The following CAMTA1 variants were observed in gnomAD, a reference collection of about 807,000 sequenced individuals.
CAMTA1 encodes the protein calmodulin binding transcription activator 1.
CAMTA1 carries 27 observed loss-of-function variants against 170.9 expected under a neutral mutation model. That is an observed-to-expected ratio of 0.16 (90% CI 0.12 to 0.22). CAMTA1 has a LOEUF of 0.22. Ranked by LOEUF, CAMTA1 falls within the 10% of genes least tolerant of loss-of-function variation. The pLI is 1.00. For missense variants in CAMTA1, 1,619 were observed against 2,217.2 expected (o/e 0.73, Z 5.42); for synonymous variants, 833 against 891.5 (o/e 0.93, Z 1.17).
rs77591968 is a variant in CAMTA1, at chr1:7,383,386, C to T, written c.439-84444C>T. ...CACTCATCTAACGTGTGTAGTATAG[C>T]AATCTGGAATACAGACTCCGGTGCC... On this transcript the variant is annotated intron_variant, in intron 5 of 22. Coordinates refer to ENST00000303635, the MANE Select transcript of CAMTA1 (RefSeq NM_015215.4). Among the ~76,000 whole-genome samples the T allele has an allele frequency of 5.3e-3, 813 of 152,210 alleles. 3 individuals are homozygous for T. The highest frequency in any genetic ancestry group is 0.018 in the African/African-American group (759 of 41,496).
chr1:7,345,687 A>G (rs1350916178), intron 5 of CAMTA1, among the ~76,000 whole-genome samples: 1 of 152,296 alleles, frequency 6.6e-6, no homozygotes, highest in South Asian at 2.1e-4. Context: ...CCCCCATGCC[A>G]GGTGGCTGGG....
intron 6 of CAMTA1, among the ~76,000 whole-genome samples, chr1:7,471,766 G>A (rs571677169): frequency 9.2e-5 from 14 of 152,314 alleles, no homozygotes; most frequent in African/African-American, 2.2e-4. Flanking sequence ...TGGACAGAGC[G>A]GTCCCTCCTG....
chr1:7,314,737 C>T (rs1677229376), intron 5 of CAMTA1, among the ~76,000 whole-genome samples: 1 of 152,158 alleles, frequency 6.6e-6, no homozygotes, highest in Non-Finnish European at 1.5e-5. Context: ...ATTGACAAAT[C>T]TTTCACATTT....
chr1:6,879,734 G>A (rs2149054889), intron 3 of CAMTA1, among the ~76,000 whole-genome samples: 1 of 151,516 alleles, frequency 6.6e-6, no homozygotes, highest in East Asian at 1.9e-4. Context: ...GCCCAAGCAG[G>A]CCTCCTGCCT....
chr1:7,385,808 A>G (rs546624399), intron 5 of CAMTA1, among the ~76,000 whole-genome samples: 1 of 152,086 alleles, frequency 6.6e-6, no homozygotes, highest in Non-Finnish European at 1.5e-5. Flanking sequence ...TCTCTTCCAC[A>G]TTTGGCCTCC....
At chr1:7,091,468 G>A in intron 4 of CAMTA1, 97 bp downstream of exon 4, 1 of 901,404 alleles carries the variant, frequency 1.1e-6, no homozygotes, top group Non-Finnish European at 1.9e-6. Flanking sequence ...TGGGCAACGA[G>A]TTGAAAATGC....
At chr1:7,127,247 CTTTTT>C (rs61211407) in intron 4 of CAMTA1, among the ~76,000 whole-genome samples, 4 of 73,496 alleles carry the variant, frequency 5.4e-5, no homozygotes, top group Admixed American at 2.0e-4. Context: ...GCCAGAGGGG[CTTTTT>C]TTTTTTTTTT....
chr1:7,480,093 G>C (rs77897066), intron 6 of CAMTA1, among the ~76,000 whole-genome samples: 3,347 of 144,212 alleles, frequency 0.023, 112 homozygotes, highest in African/African-American at 0.085. Context: ...CCGTGTGTGT[G>C]CCTGTGTGTG....
At chr1:7,466,657 GGCAGA>G (rs2093218095) in intron 5 of CAMTA1, among the ~76,000 whole-genome samples, 1 of 152,178 alleles carries the variant, frequency 6.6e-6, no homozygotes, top group South Asian at 2.1e-4. Flanking sequence ...TTTCCCACCT[GGCAGA>G]TGTCCTGTGT....
intron 5 of CAMTA1, among the ~76,000 whole-genome samples, chr1:7,431,975 G>T (rs921482082): frequency 3.3e-5 from 5 of 152,198 alleles, no homozygotes; most frequent in African/African-American, 1.2e-4. Context: ...CTGTAATGCT[G>T]GTGCCAGGGG....
At chr1:7,716,311 A>C (rs2149723128) in intron 11 of CAMTA1, among the ~76,000 whole-genome samples, 1 of 152,304 alleles carries the variant, frequency 6.6e-6, no homozygotes, top group Non-Finnish European at 1.5e-5. Context: ...GATTACAGGC[A>C]TGAGACACTG....
intron 11 of CAMTA1, chr1:7,694,866 C>G (rs561601754): frequency 3.3e-5 from 5 of 152,296 alleles, no homozygotes; most frequent in African/African-American, 1.2e-4. Flanking sequence ...TGGGTGCAGA[C>G]AGGGATCTCT....
At chr1:7,258,368 G>A (rs917234255) in intron 5 of CAMTA1, among the ~76,000 whole-genome samples, 2 of 152,174 alleles carry the variant, frequency 1.3e-5, no homozygotes, top group African/African-American at 4.8e-5. Flanking sequence ...TGCTGAACTT[G>A]TACTTAATTA....
chr1:7,186,869 C>G (rs900072427), intron 4 of CAMTA1, among the ~76,000 whole-genome samples: 2 of 152,032 alleles, frequency 1.3e-5, no homozygotes, highest in Non-Finnish European at 2.9e-5. Context: ...GTAAATATTT[C>G]CTGGTGAGGT....
chr1:7,279,607 T>A (rs2149448188), intron 5 of CAMTA1, among the ~76,000 whole-genome samples: 1 of 152,220 alleles, frequency 6.6e-6, no homozygotes, highest in African/African-American at 2.4e-5. Flanking sequence ...AACAAAATGG[T>A]CAGGTTTCTG....
In CAMTA1 at chr1:7,383,135, C is replaced by T. The variant is rs184567784; in HGVS notation, c.439-84695C>T. On this transcript the variant is annotated intron_variant, in intron 5 of 22. Coordinates refer to ENST00000303635, the MANE Select transcript of CAMTA1 (RefSeq NM_015215.4). ...AGGGCATGCTTGCCTGGAAATTGTA[C>T]ACTGAGACCACATGGAGAGTGTGGG... Among the ~76,000 whole-genome samples the T allele has an allele frequency of 2.7e-3, 415 of 152,300 alleles. 3 individuals carry two copies. The highest frequency in any genetic ancestry group is 3.8e-3 in the Non-Finnish European group (258 of 68,024).
intron 1 of CAMTA1, among the ~76,000 whole-genome samples, chr1:6,815,710 A>G (rs962675559): frequency 9.2e-5 from 14 of 152,200 alleles, no homozygotes; most frequent in African/African-American, 3.1e-4. Flanking sequence ...TCATTTATCT[A>G]ATTCCTGATC....
intron 3 of CAMTA1, among the ~76,000 whole-genome samples, chr1:6,903,508 C>T: frequency 6.6e-6 from 1 of 152,172 alleles, no homozygotes; most frequent in African/African-American, 2.4e-5. Flanking sequence ...TTTGCATAAC[C>T]CAAGTTTCTA....
At chr1:7,452,672 C>T (rs56030237) in intron 5 of CAMTA1, among the ~76,000 whole-genome samples, 2,409 of 152,284 alleles carry the variant, frequency 0.016, 56 homozygotes, top group African/African-American at 0.055. Flanking sequence ...TTTCAAGGTT[C>T]ATCCATGTTG....
Sources: gnomAD v4.1 joint callset for allele counts (sites outside exome capture counted in the v4.1 genomes callset) on GRCh38, gnomAD v4.1.1 for gene constraint, MANE v1.5 for transcripts, NCBI Gene and HGNC (gene_info 2026-07-23, HGNC 2026-07-21) for gene names.